The following DNAH11 variants were observed in gnomAD, a reference collection of about 807,000 sequenced individuals.
DNAH11 encodes the protein dynein axonemal heavy chain 11.
DNAH11 carries 442 observed loss-of-function variants against 526.0 expected under a neutral mutation model. That is an observed-to-expected ratio of 0.84 (90% CI 0.78 to 0.91). The LOEUF is 0.91. Among genes scored for constraint, DNAH11 ranks in the 40% least tolerant of loss-of-function variants. DNAH11 has a pLI of 0.00. For missense variants in DNAH11, 6,989 were observed against 5,448.7 expected (o/e 1.28, Z -8.90); for synonymous variants, 2,461 against 1,935.9 (o/e 1.27, Z -7.12).
intron 5 of DNAH11, 45 bp from the exon 6 acceptor site, chr7:21,564,141 A>C (rs771594705): frequency 6.8e-6 from 10 of 1,461,872 alleles, no homozygotes; most frequent in East Asian, 2.3e-5. Context: ...AGAAAAAAAA[A>C]AAAAACAAAC....
At chr7:21,758,210 C>G (rs1168545974) in intron 54 of DNAH11, among the ~76,000 whole-genome samples, 1 of 152,138 alleles carries the variant, frequency 6.6e-6, no homozygotes, top group Admixed American at 6.5e-5. Context: ...ATACAGTGCT[C>G]TAGTCTCTGT....
chr7:21,769,083 A>T (rs1367523329), intron 55 of DNAH11, among the ~76,000 whole-genome samples: 1 of 152,194 alleles, frequency 6.6e-6, no homozygotes, highest in African/African-American at 2.4e-5. Context: ...TGTGAATTTG[A>T]GGAAAATAAT....
intron 56 of DNAH11, among the ~76,000 whole-genome samples, 187 bp from the exon 57 acceptor site, chr7:21,778,767 CTGTT>C (rs1787796167): frequency 6.6e-6 from 1 of 152,166 alleles, no homozygotes; most frequent in Non-Finnish European, 1.5e-5. Context: ...AAATATTATT[CTGTT>C]TGTTCTCATG....
intron 52 of DNAH11, 70 bp downstream of exon 52, chr7:21,748,812 C>A: frequency 6.8e-7 from 1 of 1,468,720 alleles, no homozygotes; most frequent in Non-Finnish European, 9.1e-7. Flanking sequence ...TCCTAGTGCG[C>A]CCGTGTGGGC....
chr7:21,709,923 T>G (rs1382222422), intron 40 of DNAH11, among the ~76,000 whole-genome samples: 1 of 152,210 alleles, frequency 6.6e-6, no homozygotes, highest in Non-Finnish European at 1.5e-5. Flanking sequence ...CTATTAGATT[T>G]ACTAGAGCTT....
At chr7:21,654,021 TG>T (rs112535261) in intron 28 of DNAH11, among the ~76,000 whole-genome samples, 7 of 152,346 alleles carry the variant, frequency 4.6e-5, no homozygotes, top group African/African-American at 1.7e-4. Flanking sequence ...GGCGCCTGTA[TG>T]CTTGGAAATG....
chr7:21,691,357 G>C (rs971964313), intron 35 of DNAH11, among the ~76,000 whole-genome samples: 1 of 151,402 alleles, frequency 6.6e-6, no homozygotes, highest in Non-Finnish European at 1.5e-5. Flanking sequence ...GGCTGGGGTG[G>C]GGGGAGCAGG....
At chr7:21,687,357 C>G in intron 33 of DNAH11, 25 bp from the exon 34 acceptor site, 2 of 1,591,660 alleles carry the variant, frequency 1.3e-6, no homozygotes, top group Non-Finnish European at 1.7e-6. Flanking sequence ...CTGTTAAATT[C>G]TGAGTGCCTC....
chr7:21,828,810 ATGT>A (rs149793138), intron 65 of DNAH11, among the ~76,000 whole-genome samples: 45 of 149,052 alleles, frequency 3.0e-4, no homozygotes, highest in African/African-American at 9.4e-4. Flanking sequence ...TGAAACACCA[ATGT>A]TGTTGTTGTT....
rs138731255 is a variant in DNAH11, at chr7:21,790,263, G to A, written c.10026+921G>A. 2.9e-3 allele frequency among the ~76,000 whole-genome samples: 434 copies of A among 152,024 alleles called. 5 individuals are homozygous for A. The highest frequency in any genetic ancestry group is 8.8e-3 in the Admixed American group (134 of 15,248). ...AGATCGAGACCATCCTGGCTAACAC[G>A]GTGAAACCCCGTCACTACTAAAAAT... On this transcript the variant is annotated intron_variant, in intron 61 of 81. Coordinates refer to ENST00000409508, the MANE Select transcript of DNAH11 (RefSeq NM_001277115.2).
intron 25 of DNAH11, among the ~76,000 whole-genome samples, chr7:21,626,772 G>A (rs1209244148): frequency 2.6e-5 from 3 of 114,736 alleles, no homozygotes; most frequent in Non-Finnish European, 3.5e-5. Flanking sequence ...TTTTTTTTGA[G>A]GCGGAGTCTC....
At chr7:21,750,389 A>G (rs373911826) in intron 54 of DNAH11, 25 bp downstream of exon 54, 2 of 1,580,166 alleles carry the variant, frequency 1.3e-6, no homozygotes, top group East Asian at 4.6e-5. Context: ...CTTAATTTGC[A>G]TGTTAGTTAA....
At chr7:21,589,172 T>C (rs778078780) in intron 11 of DNAH11, 36 bp from the exon 12 acceptor site, 1 of 1,468,142 alleles carries the variant, frequency 6.8e-7, no homozygotes, top group East Asian at 2.3e-5. Flanking sequence ...CTATCTAATA[T>C]ACGTATAAAC....
intron 38 of DNAH11, 74 bp from the exon 39 acceptor site, chr7:21,705,386 G>A: frequency 2.0e-6 from 3 of 1,501,148 alleles, no homozygotes; most frequent in East Asian, 2.3e-5. Flanking sequence ...AAGAAGAATT[G>A]GGCAAAAATG....
At chr7:21,616,404 A>G in intron 22 of DNAH11, 112 bp downstream of exon 22, 1 of 777,586 alleles carries the variant, frequency 1.3e-6, no homozygotes, top group Non-Finnish European at 2.0e-6. Context: ...ATTTACTTCT[A>G]ACAGAGTGAT....
chr7:21,757,349 A>G (rs1786683420), intron 54 of DNAH11, among the ~76,000 whole-genome samples: 1 of 152,136 alleles, frequency 6.6e-6, no homozygotes, highest in African/African-American at 2.4e-5. Flanking sequence ...TGTTGGCCTG[A>G]GGTATTTTAA....
intron 75 of DNAH11, among the ~76,000 whole-genome samples, chr7:21,883,232 G>A (rs1228904513): frequency 1.3e-5 from 2 of 152,210 alleles, no homozygotes; most frequent in East Asian, 3.8e-4. Context: ...TTATAATTAT[G>A]TTTTTACTTA....
rs535995331 is a variant in DNAH11 at position 21,763,773 on chromosome 7, A to G, written c.8941-1655A>G. ...CAACTAAAATGTCCATCAACAGGCA[A>G]CTAGATAATGTGCTATATATACATA... On this transcript the variant is annotated intron_variant, in intron 54 of 81. Transcript: ENST00000409508. Among the ~76,000 whole-genome samples the G allele has an allele frequency of 2.8e-5, 4 of 143,798 alleles. No homozygotes were observed. In the South Asian group the frequency reaches 9.2e-4, roughly 33 times the overall value. The allele number at this position is 143,798 out of a possible 152,430, so 94.3% of individuals were successfully genotyped here.
rs1487479471 is a variant in DNAH11 at position 21,633,102 on chromosome 7, A to G, written c.4501-2769A>G. Among the ~76,000 whole-genome samples the G allele has an allele frequency of 2.6e-5, 4 of 152,184 alleles. No individual in the cohort carries two copies. The East Asian group carries it at 5.8e-4, about 22-fold the overall frequency. ...TCAGATCTTGCGAGACTTATTCACA[A>G]TCATGAGAACTGTATGGGAAAGACC... On this transcript the variant is annotated intron_variant, in intron 25 of 81. Coordinates refer to ENST00000409508, the MANE Select transcript of DNAH11 (RefSeq NM_001277115.2).
Sources: allele counts gnomAD v4.1 joint callset (sites outside exome capture counted in the v4.1 genomes callset), GRCh38; gene constraint gnomAD v4.1.1; transcripts MANE v1.5; gene names NCBI Gene and HGNC (gene_info 2026-07-23, HGNC 2026-07-21).